The following ARHGAP6 variants were observed in gnomAD, a reference collection of about 807,000 sequenced individuals.
The protein encoded by ARHGAP6 is rho GTPase-activating protein 6.
Under a neutral mutation model 55.7 loss-of-function variants are expected in ARHGAP6, and 16 were observed. The observed-to-expected ratio is 0.29, with a 90% CI of 0.19 to 0.44. The LOEUF is 0.44. Ranked by LOEUF, ARHGAP6 falls within the 20% of genes least tolerant of loss-of-function variation. The pLI, the probability that ARHGAP6 is intolerant of heterozygous loss-of-function variation, is 1.00. For missense variants in ARHGAP6, 698 were observed against 808.9 expected, an observed-to-expected ratio of 0.86 and a Z score of 1.66; for synonymous variants, 382 against 360.9, an observed-to-expected ratio of 1.06 and a Z score of -0.66.
intron 1 of ARHGAP6, among the ~76,000 whole-genome samples, chrX:11,509,281 G>T (rs1263816499): frequency 1.8e-5 from 2 of 111,880 alleles, no homozygotes; most frequent in East Asian, 5.6e-4. Flanking sequence ...TAAAATTTGA[G>T]ATTTCTGTAC....
At chrX:11,406,287 T>C (rs1292760519) in intron 1 of ARHGAP6, among the ~76,000 whole-genome samples, 2 of 111,359 alleles carry the variant, frequency 1.8e-5, no homozygotes, top group African/African-American at 6.5e-5. Flanking sequence ...GCGGAGATTT[T>C]GCCCATTGCT....
chrX:11,312,473 T>C (rs921803304), intron 1 of ARHGAP6, among the ~76,000 whole-genome samples: 1 of 111,900 alleles, frequency 8.9e-6, no homozygotes, highest in African/African-American at 3.2e-5. Flanking sequence ...ATCTTTGTGT[T>C]TATGGAGCTG....
chrX:11,373,118 CACAT>C (rs992107110), intron 1 of ARHGAP6, among the ~76,000 whole-genome samples: 15 of 107,816 alleles, frequency 1.4e-4, no homozygotes, highest in Middle Eastern at 4.8e-3. Flanking sequence ...CACACACACA[CACAT>C]ATATATATAT....
At chrX:11,396,176 A>G (rs2049475318) in intron 1 of ARHGAP6, among the ~76,000 whole-genome samples, 2 of 110,840 alleles carry the variant, frequency 1.8e-5, no homozygotes, top group African/African-American at 6.6e-5. Flanking sequence ...TCAAATCACC[A>G]TAGGCTACCT....
In ARHGAP6 at chrX:11,178,248, A is replaced by G; in HGVS notation, c.1481T>C (p.Leu494Ser). The change falls in exon 8 of 13, where the codon TTG becomes TCG. Residue 494 changes from leucine to serine, a missense_variant and splice_region_variant. This residue lies in a region of ARHGAP6 where 322 missense variants were observed against 451.1 expected (regional missense o/e 0.71). Coordinates refer to ENST00000337414, the MANE Select transcript of ARHGAP6 (RefSeq NM_013427.3). The part of the protein sequence containing the change: ...ELYTAFINTL[L>S]LEPEEQLGTL... ...GCCCAGCTGTTCCTCCGGCTCCAAC[A>G]CTAAGCAAGGCAAAAAGAGGTACTC... 1 of 1,202,006 alleles carries G rather than the reference A, an allele frequency of 8.3e-7. No homozygotes were observed.
intron 1 of ARHGAP6, among the ~76,000 whole-genome samples, chrX:11,616,008 A>C (rs1389587665): frequency 9.0e-6 from 1 of 111,704 alleles, no homozygotes; most frequent in Non-Finnish European, 1.9e-5. Flanking sequence ...TTTGGCCCAC[A>C]GTGTAGCAGT....
At chrX:11,422,484 G>A (rs1374133378) in intron 1 of ARHGAP6, among the ~76,000 whole-genome samples, 1 of 111,736 alleles carries the variant, frequency 8.9e-6, no homozygotes, top group Non-Finnish European at 1.9e-5. Context: ...TAAGTGGAAT[G>A]GAAACCAACC....
At chrX:11,269,926 C>T (rs1382949127) in intron 1 of ARHGAP6, among the ~76,000 whole-genome samples, 1 of 112,041 alleles carries the variant, frequency 8.9e-6, no homozygotes, top group African/African-American at 3.2e-5. Context: ...CAGATCTAAA[C>T]TCTACCATCA....
chrX:11,225,762 T>C, intron 2 of ARHGAP6: 1 of 503,849 alleles, frequency 2.0e-6, no homozygotes, highest in Non-Finnish European at 3.1e-6. Flanking sequence ...CAAAGGTCTG[T>C]TCTATTTGGT....
chrX:11,297,962 A>C, intron 1 of ARHGAP6: 1 of 621,287 alleles, frequency 1.6e-6, no homozygotes, highest in Non-Finnish European at 2.7e-6. Flanking sequence ...ACTCCCCATA[A>C]CCTTATCTAA....
intron 1 of ARHGAP6, among the ~76,000 whole-genome samples, chrX:11,354,337 A>C (rs1431976883): frequency 3.1e-4 from 27 of 87,969 alleles, no homozygotes; most frequent in Admixed American, 5.0e-4. Context: ...CTATATATAT[A>C]TATATATATA....
At chrX:11,442,216 G>A (rs1368446284) in intron 1 of ARHGAP6, among the ~76,000 whole-genome samples, 1 of 108,087 alleles carries the variant, frequency 9.3e-6, no homozygotes, top group Admixed American at 9.9e-5. Flanking sequence ...ACTCCCCACC[G>A]GCATCAATGA....
intron 1 of ARHGAP6, among the ~76,000 whole-genome samples, chrX:11,541,806 T>C (rs1215290754): frequency 8.9e-6 from 1 of 112,483 alleles, no homozygotes; most frequent in African/African-American, 3.2e-5. Flanking sequence ...GAAATGGGGA[T>C]AATAGTAATA....
chrX:11,417,075 T>C (rs1020265435), intron 1 of ARHGAP6, among the ~76,000 whole-genome samples: 1 of 51,247 alleles, frequency 2.0e-5, no homozygotes, highest in East Asian at 8.7e-4. Flanking sequence ...TATATATATA[T>C]ATATATATAT....
intron 10 of ARHGAP6, among the ~76,000 whole-genome samples, chrX:11,153,203 C>A (rs1039112066): frequency 1.8e-5 from 2 of 111,414 alleles, no homozygotes; most frequent in African/African-American, 3.3e-5. Flanking sequence ...AGCATTTTAA[C>A]AAGATCTGGT....
intron 2 of ARHGAP6, among the ~76,000 whole-genome samples, chrX:11,202,344 C>T (rs1002921441): frequency 4.5e-5 from 5 of 110,535 alleles, no homozygotes; most frequent in Non-Finnish European, 7.6e-5. Context: ...AATCTATAAC[C>T]GGTGATGAGG....
chrX:11,479,103 G>A (rs1158017766), intron 1 of ARHGAP6, among the ~76,000 whole-genome samples: 3 of 112,021 alleles, frequency 2.7e-5, no homozygotes, highest in Non-Finnish European at 3.8e-5. Context: ...AACGAAAGGC[G>A]GCTTTCTCCC....
chrX:11,513,978 A>G (rs1034632084), intron 1 of ARHGAP6, among the ~76,000 whole-genome samples: 2 of 109,206 alleles, frequency 1.8e-5, no homozygotes, highest in African/African-American at 6.7e-5. Context: ...CCTGGGCAAC[A>G]TGGCAAAACC....
At chrX:11,528,091 C>T (rs1478697588) in intron 1 of ARHGAP6, among the ~76,000 whole-genome samples, 1 of 111,997 alleles carries the variant, frequency 8.9e-6, no homozygotes, top group Non-Finnish European at 1.9e-5. Flanking sequence ...TTAAAATTTT[C>T]GATAAGTATG....
Sources: allele counts gnomAD v4.1 joint callset (sites outside exome capture counted in the v4.1 genomes callset), GRCh38; gene constraint gnomAD v4.1.1; regional missense constraint gnomAD v4.1.1; transcripts MANE v1.5; gene names NCBI Gene and HGNC (gene_info 2026-07-23, HGNC 2026-07-21).